Variants in PABPC4L observed in about 807,000 individuals in gnomAD.
PABPC4L encodes the protein poly(A) binding protein cytoplasmic 4 like.
For synonymous variants in PABPC4L, 169 were observed against 164.1 expected, an observed-to-expected ratio of 1.03 and a Z score of -0.23; for missense variants, 452 against 451.4, an observed-to-expected ratio of 1.00 and a Z score of -0.01.
At position 134,200,916 on chromosome 4, in the gene PABPC4L, G is replaced by A. The variant is rs1197439821; in HGVS notation, c.104C>T (p.Pro35Leu). Residue 35 changes from proline (P) to leucine (L), a missense_variant, in exon 2 of 2, where the codon CCT becomes CTT. Coordinates refer to ENST00000421491, the MANE Select transcript of PABPC4L (RefSeq NM_001114734.2). ...CCTGCAAATGCGGATGGACAGCACA[G>A]GCCCCACAGTGCTGAACTTCCTGAA... ...LLFRKFSTVG[P>L]VLSIRICRDQ... is the part of the protein sequence containing the mutation. 5 of 1,561,148 alleles carry A rather than the reference G, an allele frequency of 3.2e-6. No homozygotes were observed. The highest frequency in any genetic ancestry group is 4.3e-6 in the Non-Finnish European group (5 of 1,152,336).
the PABPC4L span, among the ~76,000 whole-genome samples, chr4:134,159,046 A>C: frequency 6.6e-6 from 1 of 152,166 alleles, no homozygotes; most frequent in Non-Finnish European, 1.5e-5. Flanking sequence ...AAAAAAATGG[A>C]ACACCTGCAT....
At chr4:134,122,805 C>A in the PABPC4L span, among the ~76,000 whole-genome samples, 1 of 151,658 alleles carries the variant, frequency 6.6e-6, no homozygotes, top group Non-Finnish European at 1.5e-5. Context: ...TGTTTATATG[C>A]TTCTTCTACT....
chr4:133,984,133 C>T, the PABPC4L span, among the ~76,000 whole-genome samples: 1 of 151,842 alleles, frequency 6.6e-6, no homozygotes, highest in East Asian at 1.9e-4. Flanking sequence ...CACATGTCAT[C>T]TCTCCAGACA....
At chr4:134,164,748 AT>A in the PABPC4L span, among the ~76,000 whole-genome samples, 2 of 151,940 alleles carry the variant, frequency 1.3e-5, no homozygotes, top group East Asian at 3.9e-4. Flanking sequence ...CATCACCACC[AT>A]TTTTTCACAG....
At chr4:134,008,231 C>T in the PABPC4L span, among the ~76,000 whole-genome samples, 21 of 151,810 alleles carry the variant, frequency 1.4e-4, no homozygotes, top group South Asian at 4.2e-4. Flanking sequence ...ACCATGTTTT[C>T]GAGAAAAATT....
At chr4:134,118,064 G>A in the PABPC4L span, among the ~76,000 whole-genome samples, 13 of 151,738 alleles carry the variant, frequency 8.6e-5, no homozygotes, top group Non-Finnish European at 1.9e-4. Context: ...GGGACTTAGG[G>A]GACCTAAGGA....
chr4:134,188,621 C>T, the PABPC4L span, among the ~76,000 whole-genome samples: 2 of 151,944 alleles, frequency 1.3e-5, no homozygotes, highest in African/African-American at 2.4e-5. Flanking sequence ...GTTTTGTTTT[C>T]TCTCAACACT....
chr4:134,006,782 C>G, the PABPC4L span, among the ~76,000 whole-genome samples: 160 of 151,930 alleles, frequency 1.1e-3, 1 homozygote, highest in Middle Eastern at 6.8e-3. Context: ...TACTCATCAT[C>G]TCTCTAAATC....
At chr4:134,029,760 T>C in the PABPC4L span, among the ~76,000 whole-genome samples, 1 of 151,632 alleles carries the variant, frequency 6.6e-6, no homozygotes, top group Non-Finnish European at 1.5e-5. Flanking sequence ...ATGAAATGTA[T>C]TTTTTTTAAT....
chr4:133,973,017 G>C, the PABPC4L span, among the ~76,000 whole-genome samples: 1 of 152,066 alleles, frequency 6.6e-6, no homozygotes, highest in Non-Finnish European at 1.5e-5. Context: ...TGGATGTCCT[G>C]ACAAGCAGAG....
chr4:134,081,926 TTAATAA>T, the PABPC4L span, among the ~76,000 whole-genome samples: 2 of 152,092 alleles, frequency 1.3e-5, no homozygotes, highest in Non-Finnish European at 2.9e-5. Flanking sequence ...TTGACAACAC[TTAATAA>T]TAATAGAAGA....
the PABPC4L span, among the ~76,000 whole-genome samples, chr4:134,162,355 G>A: frequency 6.6e-6 from 1 of 151,946 alleles, no homozygotes; most frequent in South Asian, 2.1e-4. Flanking sequence ...GCAGCTCCCA[G>A]ATCCATAAAA....
At chr4:134,010,500 C>A in the PABPC4L span, 1 of 152,198 alleles carries the variant, frequency 6.6e-6, no homozygotes, top group East Asian at 1.9e-4. Flanking sequence ...GCCAAAATAT[C>A]TTAGTGGATT....
chr4:134,157,292 C>A, the PABPC4L span, among the ~76,000 whole-genome samples: 1 of 149,184 alleles, frequency 6.7e-6, no homozygotes, highest in African/African-American at 2.5e-5. Context: ...ATTAAGATTT[C>A]ATTTGTGGTA....
At chr4:134,180,498 C>T in the PABPC4L span, among the ~76,000 whole-genome samples, 1 of 151,514 alleles carries the variant, frequency 6.6e-6, no homozygotes, top group African/African-American at 2.4e-5. Flanking sequence ...AAACCAACTC[C>T]AAGACTAGCA....
At chr4:133,966,844 G>T in the PABPC4L span, among the ~76,000 whole-genome samples, 1 of 152,174 alleles carries the variant, frequency 6.6e-6, no homozygotes, top group East Asian at 1.9e-4. Context: ...AAAATAAACT[G>T]CAATGAGAAG....
chr4:134,045,529 C>T, the PABPC4L span, among the ~76,000 whole-genome samples: 23 of 152,250 alleles, frequency 1.5e-4, no homozygotes, highest in African/African-American at 5.5e-4. Flanking sequence ...GTGCATAGAG[C>T]TTCAGGGCAG....
At chr4:134,072,999 G>A in the PABPC4L span, among the ~76,000 whole-genome samples, 1 of 152,058 alleles carries the variant, frequency 6.6e-6, no homozygotes, top group Non-Finnish European at 1.5e-5. Context: ...AGATTTCGGT[G>A]GGGACACAGC....
chr4:134,087,823 C>T, the PABPC4L span, among the ~76,000 whole-genome samples: 6 of 152,216 alleles, frequency 3.9e-5, no homozygotes, highest in East Asian at 9.7e-4. Context: ...TTCCCTCTGG[C>T]CTCTCGGTCT....
Sources: allele counts gnomAD v4.1 joint callset (sites outside exome capture counted in the v4.1 genomes callset), GRCh38; gene constraint gnomAD v4.1.1; transcripts MANE v1.5; gene names NCBI Gene and HGNC (gene_info 2026-07-23, HGNC 2026-07-21).